RAB27B: variants seen among roughly 807,000 people sequenced by gnomAD.
RAB27B encodes ras-related protein Rab-27B.
Under a neutral mutation model 24.6 loss-of-function variants are expected in RAB27B, and 15 were observed. That is an observed-to-expected ratio of 0.61 (90% CI 0.41 to 0.94). The LOEUF is 0.94. Ranked by LOEUF, RAB27B falls within the 40% of genes least tolerant of loss-of-function variation. RAB27B has a pLI of 0.00. For missense variants in RAB27B, 261 were observed against 266.8 expected, an observed-to-expected ratio of 0.98 and a Z score of 0.15; for synonymous variants, 105 against 92.5, an observed-to-expected ratio of 1.14 and a Z score of -0.78.
At chr18:54,783,918 G>T (rs1036502507) in intron 2 of RAB27B, among the ~76,000 whole-genome samples, 1 of 152,170 alleles carries the variant, frequency 6.6e-6, no homozygotes, top group Non-Finnish European at 1.5e-5. Context: ...CTTGGATTGT[G>T]CCTGGCCCTG....
intron 3 of RAB27B, among the ~76,000 whole-genome samples, chr18:54,881,589 A>C (rs1434997636): frequency 2.0e-5 from 3 of 152,152 alleles, no homozygotes; most frequent in Admixed American, 2.0e-4. Flanking sequence ...CCATCCTGCA[A>C]ACTCAATTTC....
At chr18:54,860,461 CCT>C (rs1911968854) in intron 1 of RAB27B, among the ~76,000 whole-genome samples, 1 of 152,120 alleles carries the variant, frequency 6.6e-6, no homozygotes, top group Non-Finnish European at 1.5e-5. Flanking sequence ...TCCAGCTCTC[CCT>C]CTCTCCTTTC....
chr18:54,833,862 C>A (rs1910790977), intron 1 of RAB27B, among the ~76,000 whole-genome samples: 1 of 151,936 alleles, frequency 6.6e-6, no homozygotes, highest in Non-Finnish European at 1.5e-5. Context: ...GAATGGAAAG[C>A]AGGTGGCAGA....
intron 2 of RAB27B, among the ~76,000 whole-genome samples, chr18:54,769,265 T>C (rs1226888319): frequency 1.3e-5 from 2 of 152,186 alleles, no homozygotes; most frequent in South Asian, 2.1e-4. Context: ...AGAAATCCAA[T>C]AGGGTAATCC....
intron 1 of RAB27B, among the ~76,000 whole-genome samples, chr18:54,836,294 T>C (rs1910890718): frequency 1.3e-5 from 2 of 152,006 alleles, no homozygotes; most frequent in Admixed American, 1.3e-4. Flanking sequence ...TCTTATCAAG[T>C]GTATTTTCCA....
chr18:54,842,608 AG>A (rs1911160866), intron 1 of RAB27B, among the ~76,000 whole-genome samples: 1 of 152,208 alleles, frequency 6.6e-6, no homozygotes, highest in Admixed American at 6.5e-5. Flanking sequence ...TATGCGTCAA[AG>A]CAAAAATCAA....
At chr18:54,794,169 T>G (rs190300349) in intron 2 of RAB27B, among the ~76,000 whole-genome samples, 2 of 152,352 alleles carry the variant, frequency 1.3e-5, no homozygotes, top group Admixed American at 1.3e-4. Context: ...ATAAAACTAG[T>G]ACTTCAATTG....
intron 2 of RAB27B, among the ~76,000 whole-genome samples, chr18:54,748,428 T>C (rs1289524474): frequency 6.6e-6 from 1 of 152,168 alleles, no homozygotes; most frequent in African/African-American, 2.4e-5. Flanking sequence ...TACAACCATT[T>C]CCAAATGAAT....
intron 2 of RAB27B, among the ~76,000 whole-genome samples, chr18:54,801,008 GTTTTT>G (rs11363761): frequency 1.1e-5 from 1 of 93,098 alleles, no homozygotes; most frequent in South Asian, 4.4e-4. Context: ...TTGTTCCTGT[GTTTTT>G]TTTTTTTTTT....
chr18:54,781,914 CAT>C (rs1396680624), intron 2 of RAB27B, among the ~76,000 whole-genome samples: 1 of 152,176 alleles, frequency 6.6e-6, no homozygotes, highest in East Asian at 1.9e-4. Context: ...CAATTATACT[CAT>C]AAAAATAGCA....
At chr18:54,750,842 T>C (rs1301087938) in intron 2 of RAB27B, among the ~76,000 whole-genome samples, 1 of 152,136 alleles carries the variant, frequency 6.6e-6, no homozygotes. Context: ...TGGAAGAGAA[T>C]GTAACAGAAA....
intron 2 of RAB27B, among the ~76,000 whole-genome samples, chr18:54,781,466 A>G (rs1245007284): frequency 3.3e-5 from 5 of 151,890 alleles, no homozygotes; most frequent in Non-Finnish European, 5.9e-5. Flanking sequence ...AACACTATAA[A>G]TCCTTTCTTC....
At chr18:54,805,479 T>C (rs1420327051) in intron 2 of RAB27B, among the ~76,000 whole-genome samples, 1 of 152,238 alleles carries the variant, frequency 6.6e-6, no homozygotes, top group Non-Finnish European at 1.5e-5. Flanking sequence ...TCTAGGTACA[T>C]ATACAAAGCA....
chr18:54,719,938 T>G (rs940124095), intron 2 of RAB27B, among the ~76,000 whole-genome samples: 1 of 152,084 alleles, frequency 6.6e-6, no homozygotes, highest in African/African-American at 2.4e-5. Context: ...TTAAATAACT[T>G]CATTTTATGT....
intron 2 of RAB27B, among the ~76,000 whole-genome samples, chr18:54,803,956 C>A (rs946741824): frequency 6.6e-6 from 1 of 152,064 alleles, no homozygotes; most frequent in Admixed American, 6.5e-5. Context: ...CACAAAGGAT[C>A]GTGGGATTAG....
At chr18:54,851,409 C>T (rs1474555629) in intron 1 of RAB27B, among the ~76,000 whole-genome samples, 1 of 152,148 alleles carries the variant, frequency 6.6e-6, no homozygotes, top group Non-Finnish European at 1.5e-5. Flanking sequence ...AGAAGCAAAC[C>T]TGCAAAATCT....
upstream of RAB27B, among the ~76,000 whole-genome samples, chr18:54,825,678 A>G (rs1163312524): frequency 2.0e-5 from 3 of 152,140 alleles, no homozygotes; most frequent in Non-Finnish European, 2.9e-5. Context: ...ATCTTGTTGA[A>G]CCACAAATTA....
At chr18:54,743,030 G>A (rs1263052136) in intron 2 of RAB27B, among the ~76,000 whole-genome samples, 5 of 152,172 alleles carry the variant, frequency 3.3e-5, no homozygotes, top group Non-Finnish European at 5.9e-5. Flanking sequence ...AGCCTAGATA[G>A]AAACAGAGAA....
At chr18:54,733,660 C>CCCCT (rs1555651351) in intron 2 of RAB27B, among the ~76,000 whole-genome samples, 1 of 139,286 alleles carries the variant, frequency 7.2e-6, no homozygotes, top group African/African-American at 2.6e-5. Flanking sequence ...GCCCCCCCCC[C>CCCCT]CCAAATTTGC....
Sources: gnomAD v4.1 joint callset for allele counts (sites outside exome capture counted in the v4.1 genomes callset) on GRCh38, gnomAD v4.1.1 for gene constraint, MANE v1.5 for transcripts, NCBI Gene and HGNC (gene_info 2026-07-23, HGNC 2026-07-21) for gene names.